POC5: variants seen among roughly 807,000 people sequenced by gnomAD.
POC5 encodes the protein centrosomal protein POC5.
A neutral mutation model predicts 62.9 loss-of-function variants in POC5; 48 were observed. The observed-to-expected ratio is 0.76, with a 90% confidence interval of 0.61 to 0.97. POC5 has a LOEUF of 0.97. POC5 is among the 50% of genes least tolerant of loss of function. The probability of loss-of-function intolerance (pLI) is 0.00; values close to 1 mark genes in which losing one functional copy is unlikely to be tolerated. For missense variants in POC5, 696 were observed against 679.5 expected, an observed-to-expected ratio of 1.02 and a Z score of -0.27; for synonymous variants, 236 against 228.2, an observed-to-expected ratio of 1.03 and a Z score of -0.31.
At chr5:75,701,746 A>G (rs1343317821) in intron 5 of POC5, among the ~76,000 whole-genome samples, 1 of 151,948 alleles carries the variant, frequency 6.6e-6, no homozygotes, top group Non-Finnish European at 1.5e-5. Context: ...TAAATAAATA[A>G]ATAAATAAAA....
intron 5 of POC5, among the ~76,000 whole-genome samples, chr5:75,695,234 G>A (rs1179491454): frequency 6.6e-6 from 1 of 152,196 alleles, no homozygotes; most frequent in Non-Finnish European, 1.5e-5. Flanking sequence ...ATGGGTGATA[G>A]TGGAAAGAAA....
chr5:75,714,361 GAC>G (rs1317438276), intron 1 of POC5, among the ~76,000 whole-genome samples: 2 of 152,058 alleles, frequency 1.3e-5, no homozygotes, highest in South Asian at 2.1e-4. Flanking sequence ...CAGCCTGGGT[GAC>G]AGAGACTCCG....
intron 5 of POC5, among the ~76,000 whole-genome samples, chr5:75,697,389 G>A (rs1310989154): frequency 9.5e-6 from 1 of 105,538 alleles, no homozygotes; most frequent in African/African-American, 3.0e-5. Flanking sequence ...AGAAGAGAGT[G>A]GGGGCCAATA....
At chr5:75,713,108 C>G (rs932998963) in intron 1 of POC5, among the ~76,000 whole-genome samples, 157 bp from the exon 2 acceptor site, 1 of 152,200 alleles carries the variant, frequency 6.6e-6, no homozygotes, top group Non-Finnish European at 1.5e-5. Context: ...GGCAAAAAAT[C>G]ACTGGGCAAA....
chr5:75,712,641 T>C (rs550503420), intron 2 of POC5: 9 of 719,266 alleles, frequency 1.3e-5, no homozygotes, highest in Non-Finnish European at 1.2e-5. Flanking sequence ...TTGTACAGAG[T>C]GTATGAAGAG....
intron 5 of POC5, among the ~76,000 whole-genome samples, chr5:75,697,609 A>G (rs1447699153): frequency 6.6e-6 from 1 of 152,188 alleles, no homozygotes; most frequent in Non-Finnish European, 1.5e-5. Flanking sequence ...ACATGCCAAA[A>G]TGTAAAGACC....
At chr5:75,709,861 T>C (rs1268310093) in intron 2 of POC5, among the ~76,000 whole-genome samples, 1 of 152,224 alleles carries the variant, frequency 6.6e-6, no homozygotes. Context: ...CAGCATCCAT[T>C]TCTTTTTAAT....
chr5:75,709,125 C>T lies in POC5; in HGVS notation c.85-1250G>A, dbSNP rs532939188. Among the ~76,000 whole-genome samples, 196 of 152,236 alleles carry T rather than the reference C, an allele frequency of 1.3e-3. 1 individual carries two copies. Among genetic ancestry groups the T allele is most frequent in the African/African-American group, 4.4e-3 (182 of 41,536 alleles). ...GATTACAGGCGTGAGCCACTGCACC[C>T]GGCCTGATTCACATATTTAACATAG... On this transcript the variant is annotated intron_variant, in intron 2 of 11. Coordinates refer to ENST00000428202, the MANE Select transcript of POC5 (RefSeq NM_001099271.2).
intron 5 of POC5, among the ~76,000 whole-genome samples, chr5:75,701,474 A>G (rs1776877641): frequency 7.2e-6 from 1 of 139,668 alleles, no homozygotes; most frequent in Non-Finnish European, 1.6e-5. Flanking sequence ...GCAAGAACAA[A>G]AAACCCAACA....
At chr5:75,677,356 C>T (rs2112068297) in intron 11 of POC5, among the ~76,000 whole-genome samples, 1 of 151,970 alleles carries the variant, frequency 6.6e-6, no homozygotes, top group East Asian at 1.9e-4. Flanking sequence ...AAAAAAGGAC[C>T]AAAAATTAAA....
At chr5:75,708,053 T>C (rs17649332) in intron 2 of POC5, among the ~76,000 whole-genome samples, 178 bp from the exon 3 acceptor site, 26,037 of 152,242 alleles carry the variant, frequency 0.17, 2,419 homozygotes, top group South Asian at 0.21. Context: ...GTGATTTTTA[T>C]ATTTATGATT....
chr5:75,685,839 G>T (rs1776079339), intron 9 of POC5, among the ~76,000 whole-genome samples: 1 of 152,096 alleles, frequency 6.6e-6, no homozygotes, highest in South Asian at 2.1e-4. Context: ...TGGAGATCTA[G>T]GTTCCTTTGT....
intron 1 of POC5, among the ~76,000 whole-genome samples, chr5:75,713,271 G>A (rs899159207): frequency 6.6e-6 from 1 of 151,878 alleles, no homozygotes; most frequent in Non-Finnish European, 1.5e-5. Flanking sequence ...TTTCCTCTAA[G>A]ACACAGAACC....
At chr5:75,698,503 T>C (rs1776710755) in intron 5 of POC5, among the ~76,000 whole-genome samples, 1 of 136,072 alleles carries the variant, frequency 7.3e-6, no homozygotes, top group African/African-American at 2.8e-5. Flanking sequence ...GAAATAAAGA[T>C]GTTCTTTGAA....
At chr5:75,712,567 A>G (rs1742078656) in intron 2 of POC5, 1 of 1,005,768 alleles carries the variant, frequency 9.9e-7, no homozygotes, top group Non-Finnish European at 1.5e-6. Flanking sequence ...AAAATGAAAA[A>G]AATTTAAACA....
rs568840443 is a variant in POC5, at chr5:75,693,800, C to T, written c.690+855G>A. On this transcript the variant is annotated intron_variant, in intron 6 of 11. Coordinates refer to ENST00000428202, the MANE Select transcript of POC5 (RefSeq NM_001099271.2). ...CACTCTCCTATCCATAAGTGGATGC[C>T]CCTCCGGACATCCATTTATAGCCGG... is the stretch of plus-strand genomic sequence containing the variant. 2.6e-5 allele frequency among the ~76,000 whole-genome samples: 4 copies of T among 152,254 alleles called. No individual in the cohort carries two copies. The South Asian group carries it at 6.2e-4, about 24-fold the overall frequency.
intron 4 of POC5, among the ~76,000 whole-genome samples, chr5:75,704,402 T>A (rs903119976): frequency 1.3e-5 from 2 of 152,192 alleles, no homozygotes; most frequent in African/African-American, 4.8e-5. Flanking sequence ...GCAAACATAT[T>A]CTGCTTATGT....
intron 4 of POC5, among the ~76,000 whole-genome samples, chr5:75,704,949 C>T (rs749105284): frequency 6.6e-6 from 1 of 152,178 alleles, no homozygotes; most frequent in Non-Finnish European, 1.5e-5. Flanking sequence ...CCTGTAATCC[C>T]AGCACTTTGG....
At chr5:75,705,634 TACATA>T in intron 4 of POC5, 65 bp downstream of exon 4, 2 of 899,502 alleles carry the variant, frequency 2.2e-6, no homozygotes, top group Admixed American at 3.2e-5. Context: ...TTCCTCTTAC[TACATA>T]GATAATATTC....
Sources: allele counts gnomAD v4.1 joint callset (sites outside exome capture counted in the v4.1 genomes callset), GRCh38; gene constraint gnomAD v4.1.1; transcripts MANE v1.5; gene names NCBI Gene and HGNC (gene_info 2026-07-23, HGNC 2026-07-21).